UGT8: variants seen among roughly 807,000 people sequenced by gnomAD.
UGT8 encodes the protein UDP glycosyltransferase 8.
Under a neutral mutation model 40.5 loss-of-function variants are expected in UGT8, and 12 were observed. The observed-to-expected ratio is 0.30, with a 90% CI of 0.19 to 0.48. The LOEUF is 0.48. Ranked by LOEUF, UGT8 falls within the 20% of genes least tolerant of loss-of-function variation. UGT8 has a pLI of 0.99. For missense variants in UGT8, 513 were observed against 648.7 expected, an observed-to-expected ratio of 0.79 and a Z score of 2.27; for synonymous variants, 224 against 240.4, an observed-to-expected ratio of 0.93 and a Z score of 0.63.
At chr4:114,609,839 A>G (rs1730941917) in intron 1 of UGT8, among the ~76,000 whole-genome samples, 1 of 152,170 alleles carries the variant, frequency 6.6e-6, no homozygotes, top group South Asian at 2.1e-4. Flanking sequence ...AAGGGGAGAC[A>G]TTTTGAACCA....
At chr4:114,633,950 A>AG (rs1374381678) in intron 2 of UGT8, among the ~76,000 whole-genome samples, 1 of 152,140 alleles carries the variant, frequency 6.6e-6, no homozygotes, top group East Asian at 1.9e-4. Context: ...TAAAAAAAAA[A>AG]AAGGATCACT....
chr4:114,663,078 C>T (rs1181871972), intron 2 of UGT8, among the ~76,000 whole-genome samples: 1 of 151,952 alleles, frequency 6.6e-6, no homozygotes, highest in Non-Finnish European at 1.5e-5. Context: ...CTGCCTTGGC[C>T]TCCCAAAGTG....
At chr4:114,665,390 GT>G in intron 3 of UGT8, 2 of 985,224 alleles carry the variant, frequency 2.0e-6, no homozygotes, top group South Asian at 4.7e-5. Flanking sequence ...TTTGTTGTTT[GT>G]TTGTTTGTTT....
chr4:114,608,658 A>T lies in UGT8; in HGVS notation c.-3+9684A>T, dbSNP rs189753184. Among the ~76,000 whole-genome samples the T allele has an allele frequency of 3.8e-3, 583 of 152,302 alleles. 3 individuals carry two copies. The highest frequency in any genetic ancestry group is 0.014 in the African/African-American group (563 of 41,572). ...ATAGTTACATGGAACTCTACTATAAAATTATAATGGTTTAGTGGGTTTTCT... is the reference window on the plus strand; with the variant it reads ...ATAGTTACATGGAACTCTACTATAATATTATAATGGTTTAGTGGGTTTTCT... On this transcript the variant is annotated intron_variant, in intron 1 of 5. Coordinates refer to ENST00000310836, the MANE Select transcript of UGT8 (RefSeq NM_001128174.3).
chr4:114,644,911 A>G (rs1733468500), intron 2 of UGT8, among the ~76,000 whole-genome samples: 2 of 152,098 alleles, frequency 1.3e-5, no homozygotes, highest in East Asian at 1.9e-4. Flanking sequence ...TATACATTCA[A>G]ATCTTTATGT....
chr4:114,640,257 C>T (rs1218606735), intron 2 of UGT8, among the ~76,000 whole-genome samples: 1 of 152,020 alleles, frequency 6.6e-6, no homozygotes, highest in Non-Finnish European at 1.5e-5. Flanking sequence ...GTCTCGATCT[C>T]CTGACCTTGT....
chr4:114,600,515 T>G (rs187347830), intron 1 of UGT8, among the ~76,000 whole-genome samples: 2 of 152,348 alleles, frequency 1.3e-5, no homozygotes, highest in South Asian at 4.1e-4. Context: ...TTTTCTTTTT[T>G]AAAAACTTTT....
chr4:114,671,440 A>G (rs1333920047), intron 5 of UGT8, among the ~76,000 whole-genome samples: 2 of 152,232 alleles, frequency 1.3e-5, no homozygotes, highest in Non-Finnish European at 2.9e-5. Flanking sequence ...ACAAGATTGC[A>G]GTAACTAAAA....
chr4:114,673,678 T>C (rs931507877), intron 5 of UGT8, among the ~76,000 whole-genome samples: 3 of 152,204 alleles, frequency 2.0e-5, no homozygotes, highest in Non-Finnish European at 2.9e-5. Flanking sequence ...CTTAAGATTG[T>C]TTTTATCCTT....
intron 2 of UGT8, among the ~76,000 whole-genome samples, chr4:114,644,152 T>G (rs1443846967): frequency 2.6e-5 from 4 of 152,150 alleles, no homozygotes; most frequent in African/African-American, 4.8e-5. Context: ...GTGTAAATGA[T>G]GATAAACACA....
intron 1 of UGT8, among the ~76,000 whole-genome samples, chr4:114,610,468 T>C (rs1408195658): frequency 6.6e-6 from 1 of 152,208 alleles, no homozygotes; most frequent in Admixed American, 6.5e-5. Context: ...ACTTGCCTCA[T>C]TGTGGTGAAT....
intron 1 of UGT8, among the ~76,000 whole-genome samples, chr4:114,620,615 A>G (rs1466650429): frequency 1.3e-5 from 2 of 152,210 alleles, no homozygotes; most frequent in Non-Finnish European, 2.9e-5. Context: ...AGTGACATTT[A>G]TATTATATGT....
intron 2 of UGT8, among the ~76,000 whole-genome samples, chr4:114,648,906 A>G (rs746639332): frequency 6.6e-6 from 1 of 152,206 alleles, no homozygotes; most frequent in Non-Finnish European, 1.5e-5. Context: ...TTCACAGAGT[A>G]TAATAAGGCC....
chr4:114,602,852 T>C (rs1730520452), intron 1 of UGT8, among the ~76,000 whole-genome samples: 1 of 152,208 alleles, frequency 6.6e-6, no homozygotes, highest in African/African-American at 2.4e-5. Flanking sequence ...TGTTTGCCAT[T>C]CTCAGGAGTA....
chr4:114,662,743 A>G (rs1215649465), intron 2 of UGT8, among the ~76,000 whole-genome samples: 1 of 151,786 alleles, frequency 6.6e-6, no homozygotes, highest in African/African-American at 2.4e-5. Context: ...AAAAAGGGAA[A>G]GGAAGGAAAA....
At chr4:114,606,344 A>G (rs1231104487) in intron 1 of UGT8, among the ~76,000 whole-genome samples, 1 of 152,168 alleles carries the variant, frequency 6.6e-6, no homozygotes, top group Non-Finnish European at 1.5e-5. Context: ...TTCTAAGACT[A>G]GGCAGTTAGT....
At chr4:114,624,628 T>G (rs2126099813) in intron 2 of UGT8, among the ~76,000 whole-genome samples, 1 of 152,334 alleles carries the variant, frequency 6.6e-6, no homozygotes, top group South Asian at 2.1e-4. Context: ...TTAAAAATTC[T>G]ATCAGGGCCT....
chr4:114,612,016 A>T (rs1254352399), intron 1 of UGT8, among the ~76,000 whole-genome samples: 1 of 152,176 alleles, frequency 6.6e-6, no homozygotes, highest in East Asian at 1.9e-4. Context: ...ATGATACCAG[A>T]TATCTCATCA....
At chr4:114,611,143 A>G (rs572244274) in intron 1 of UGT8, among the ~76,000 whole-genome samples, 17 of 152,154 alleles carry the variant, frequency 1.1e-4, no homozygotes, top group South Asian at 8.3e-4. Context: ...TAAAATGTCA[A>G]TCATTGTTTT....
Sources: gnomAD v4.1 joint callset for allele counts (sites outside exome capture counted in the v4.1 genomes callset) on GRCh38, gnomAD v4.1.1 for gene constraint, MANE v1.5 for transcripts, NCBI Gene and HGNC (gene_info 2026-07-23, HGNC 2026-07-21) for gene names.